Variants in FCAR observed in about 807,000 individuals in gnomAD.
FCAR encodes immunoglobulin alpha Fc receptor.
Under a neutral mutation model 27.1 loss-of-function variants are expected in FCAR, and 21 were observed. That is an observed-to-expected ratio of 0.77 (90% CI 0.55 to 1.11). The LOEUF is 1.11. Ranked by LOEUF, FCAR falls within the 50% of genes most tolerant of loss-of-function variation. The pLI is 0.00. For synonymous variants in FCAR, 134 were observed against 135.8 expected (o/e 0.99, Z 0.09); for missense variants, 404 against 358.4 (o/e 1.13, Z -1.03).
intron 2 of FCAR, among the ~76,000 whole-genome samples, chr19:54,881,583 G>T (rs587627027): frequency 3.9e-5 from 6 of 152,164 alleles, no homozygotes; most frequent in African/African-American, 1.4e-4. Flanking sequence ...CTGGAAGCAT[G>T]AATGAAGGCC....
intron 2 of FCAR, among the ~76,000 whole-genome samples, chr19:54,883,253 G>C (rs2066522143): frequency 6.6e-6 from 1 of 151,278 alleles, no homozygotes; most frequent in Non-Finnish European, 1.5e-5. Flanking sequence ...CTGGGCTCAA[G>C]CAATCTGCCT....
chr19:54,876,792 G>A lies in FCAR; in HGVS notation c.70+1427G>A, dbSNP rs1014638303. ...AAAAATTAGCCAGGCGTGGTGGTGG[G>A]CACCTGTAGTCCCAGCTGCTCGGGA... is the stretch of plus-strand genomic sequence containing the variant. On this transcript the variant is annotated intron_variant, in intron 2 of 4. Coordinates refer to ENST00000355524, the MANE Select transcript of FCAR (RefSeq NM_002000.4). Among the ~76,000 whole-genome samples the A allele has an allele frequency of 1.6e-4, 25 of 152,098 alleles. 1 individual carries two copies. The highest frequency in any genetic ancestry group is 7.2e-4 in the Admixed American group (11 of 15,252).
intron 2 of FCAR, among the ~76,000 whole-genome samples, chr19:54,876,214 G>C (rs1342778358): frequency 6.6e-6 from 1 of 152,194 alleles, no homozygotes; most frequent in Admixed American, 6.5e-5. Flanking sequence ...TTGTTTATCA[G>C]ATTAAGAAGT....
chr19:54,889,069 A>AT (rs2066916539), intron 4 of FCAR: 1 of 154,764 alleles, frequency 6.5e-6, no homozygotes, highest in Non-Finnish European at 1.2e-5. Context: ...CTCCACCTCA[A>AT]GAAAAAAAAA....
chr19:54,877,732 T>C (rs2066175026), intron 2 of FCAR, among the ~76,000 whole-genome samples: 1 of 152,130 alleles, frequency 6.6e-6, no homozygotes, highest in African/African-American at 2.4e-5. Flanking sequence ...GGGAGTTTAG[T>C]GCTATAAACT....
At chr19:54,875,521 T>A (rs1192326256) in intron 2 of FCAR, among the ~76,000 whole-genome samples, 156 bp downstream of exon 2, 1 of 152,204 alleles carries the variant, frequency 6.6e-6, no homozygotes, top group African/African-American at 2.4e-5. Context: ...TCTCACTTTG[T>A]TATCTCCAAA....
chr19:54,888,531 GT>G (rs2066886718), intron 4 of FCAR: 1 of 1,353,944 alleles, frequency 7.4e-7, no homozygotes, highest in East Asian at 2.8e-5. Context: ...GGCTAACTCA[GT>G]TTGTTTCATT....
chr19:54,882,600 G>A (rs753554118), intron 2 of FCAR, among the ~76,000 whole-genome samples: 2 of 151,704 alleles, frequency 1.3e-5, no homozygotes, highest in Non-Finnish European at 2.9e-5. Flanking sequence ...CACCACGCCC[G>A]GCTAATTTTT....
At position 54,876,987 on chromosome 19, in the gene FCAR, G is replaced by A. The variant is rs182694527; in HGVS notation, c.70+1622G>A. ...TGGTGGATTAGCTTTCTGATGTGCT[G>A]CTGGATAGTTTGCTAGTATTTTGTT... On this transcript the variant is annotated intron_variant, in intron 2 of 4. Coordinates refer to ENST00000355524, the MANE Select transcript of FCAR (RefSeq NM_002000.4). 1.5e-3 allele frequency among the ~76,000 whole-genome samples: 221 copies of A among 152,272 alleles called. 2 individuals are homozygous for A. The highest frequency in any genetic ancestry group is 5.2e-3 in the African/African-American group (216 of 41,544).
intron 2 of FCAR, among the ~76,000 whole-genome samples, chr19:54,877,748 C>T (rs192255171): frequency 6.6e-6 from 1 of 152,222 alleles, no homozygotes; most frequent in Non-Finnish European, 1.5e-5. Flanking sequence ...AAACTTCCCC[C>T]TTAACACTGC....
chr19:54,879,985 G>A (rs2066323886), intron 2 of FCAR, among the ~76,000 whole-genome samples: 1 of 152,058 alleles, frequency 6.6e-6, no homozygotes, highest in African/African-American at 2.4e-5. Flanking sequence ...GCGCCCGGCC[G>A]ACATTTCTTT....
At position 54,888,262 on chromosome 19, in the gene FCAR, T is replaced by C. The variant is rs773132472; in HGVS notation, c.617T>C (p.Phe206Ser). Residue 206 changes from phenylalanine (F) to serine (S), a missense_variant, in exon 4 of 5, where the codon TTC becomes TCC. Coordinates refer to ENST00000355524, the MANE Select transcript of FCAR (RefSeq NM_002000.4). ...WYNRSPYLWS[F>S]PSNALELVVT... ...AACAGGAGCCCCTACCTGTGGTCCT[T>C]CCCCAGTAATGCCTTGGAGCTTGTG... 14 of 1,613,980 alleles carry C rather than the reference T, an allele frequency of 8.7e-6. No homozygotes were observed. The highest frequency in any genetic ancestry group is 1.1e-5 in the Non-Finnish European group (13 of 1,180,006).
chr19:54,883,812 C>A (rs2066551025), intron 2 of FCAR, among the ~76,000 whole-genome samples: 1 of 152,024 alleles, frequency 6.6e-6, no homozygotes, highest in African/African-American at 2.4e-5. Context: ...AAAAAATTAG[C>A]CAGGCGTGGT....
At chr19:54,883,642 C>T (rs2066541286) in intron 2 of FCAR, among the ~76,000 whole-genome samples, 1 of 152,138 alleles carries the variant, frequency 6.6e-6, no homozygotes, top group Non-Finnish European at 1.5e-5. Context: ...CATGATCTGC[C>T]ATCTCAGTGC....
In FCAR at chr19:54,874,923, C is replaced by A. The variant is rs534650533; in HGVS notation, c.35-407C>A. Among the ~76,000 whole-genome samples the A allele has an allele frequency of 2.6e-5, 4 of 152,264 alleles. No homozygotes were observed. The South Asian group carries it at 8.3e-4, about 32-fold the overall frequency. On this transcript the variant is annotated intron_variant, in intron 1 of 4. Coordinates refer to ENST00000355524, the MANE Select transcript of FCAR (RefSeq NM_002000.4). ...CAGTGGCTCACACCTGCAATCCCAG[C>A]ACTTTGGGAGGCCAAGGCAGGCGGA...
chr19:54,888,042 G>A lies in FCAR; in HGVS notation c.397G>A (p.Gly133Ser). Residue 133 changes from glycine to serine, a missense_variant, in exon 4 of 5, where the codon GGT (glycine) becomes AGT (serine). By Grantham distance (56) the Gly-to-Ser change is moderately conservative (BLOSUM62 0). Coordinates refer to ENST00000355524, the MANE Select transcript of FCAR (RefSeq NM_002000.4). Reference sequence around the variant, plus strand: ...CAAACCCTTCCTCTCTGCAGATCGGGGTCTGGTGTTGATGCCAGGAGAGAA... The same window carrying A: ...CAAACCCTTCCTCTCTGCAGATCGGAGTCTGGTGTTGATGCCAGGAGAGAA... ...YGKPFLSADR[G>S]LVLMPGENIS... is the part of the protein sequence containing the mutation. 1 of 1,614,012 alleles carries A rather than the reference G, an allele frequency of 6.2e-7. No homozygotes were observed. The highest frequency in any genetic ancestry group is 8.5e-7 in the Non-Finnish European group (1 of 1,179,938).
In FCAR at chr19:54,891,257, G is replaced by C. The variant is rs897166638; in HGVS notation, c.*1394G>C. 2 of 152,108 alleles carry C rather than the reference G, an allele frequency of 1.3e-5. No homozygotes were observed. Among genetic ancestry groups the C allele is most frequent in the Non-Finnish European group, 2.9e-5 (2 of 68,022 alleles). The allele number at this position is 152,108 out of a possible 1,614,324, so 9.4% of individuals were successfully genotyped here. Reference sequence around the variant, plus strand: ...TTTACTTCATTGTCCAGTAGCTTATGTATGAAAATATAATTATAAAATGTA... The same window carrying C: ...TTTACTTCATTGTCCAGTAGCTTATCTATGAAAATATAATTATAAAATGTA... On this transcript the variant is annotated 3_prime_UTR_variant, in exon 5 of 5. Transcript: ENST00000355524.
At position 54,886,508 on chromosome 19, in the gene FCAR, T is replaced by C. The variant is rs2066739636; in HGVS notation, c.361+983T>C. 2.0e-5 allele frequency among the ~76,000 whole-genome samples: 3 copies of C among 151,768 alleles called. No individual in the cohort carries two copies. In the South Asian group the frequency reaches 6.3e-4, roughly 32 times the overall value. On this transcript the variant is annotated intron_variant, in intron 3 of 4. Coordinates refer to ENST00000355524, the MANE Select transcript of FCAR (RefSeq NM_002000.4). Reference sequence around the variant, plus strand: ...ATTTTTAGTAGAGATAGGGTTTCACTGTGTTAGCCAGGATGGTCTCAATCT... The same window carrying C: ...ATTTTTAGTAGAGATAGGGTTTCACCGTGTTAGCCAGGATGGTCTCAATCT...
chr19:54,878,613 G>A (rs2066232521), intron 2 of FCAR, among the ~76,000 whole-genome samples: 2 of 151,164 alleles, frequency 1.3e-5, no homozygotes, highest in South Asian at 4.2e-4. Context: ...AGCAGATTCC[G>A]ACTTCCGTGG....
Sources: gnomAD v4.1 joint callset for allele counts (sites outside exome capture counted in the v4.1 genomes callset) on GRCh38, gnomAD v4.1.1 for gene constraint, MANE v1.5 for transcripts, NCBI Gene and HGNC (gene_info 2026-07-23, HGNC 2026-07-21) for gene names.